The following DEPDC1B variants were observed in gnomAD, a reference collection of about 807,000 sequenced individuals.
DEPDC1B encodes DEP domain containing 1B, also known as DEP domain-containing protein 1B.
In DEPDC1B, 51 loss-of-function variants were observed where a neutral mutation model predicts 66.5. The ratio of observed to expected loss-of-function variants is 0.77; its 90% CI spans 0.61 to 0.97. The LOEUF is 0.97. DEPDC1B is among the 50% of genes least tolerant of loss of function. The pLI is 0.00. For missense variants in DEPDC1B, 552 were observed against 637.1 expected, an observed-to-expected ratio of 0.87 and a Z score of 1.44; for synonymous variants, 226 against 223.6, an observed-to-expected ratio of 1.01 and a Z score of -0.10.
intron 2 of DEPDC1B, among the ~76,000 whole-genome samples, chr5:60,677,322 ACACACTCTCTCTCTCT>A (rs1456482435): frequency 2.2e-4 from 22 of 99,612 alleles, no homozygotes; most frequent in Non-Finnish European, 4.1e-4. Context: ...ACACACACAC[ACACACTCTCTCTCTCT>A]CTCTCTCTCT....
intron 10 of DEPDC1B, 64 bp downstream of exon 10, chr5:60,599,011 T>TAAAA: frequency 4.3e-6 from 5 of 1,156,904 alleles, no homozygotes; most frequent in East Asian, 2.9e-5. Flanking sequence ...CCTATTAAAA[T>TAAAA]AAAAAAAAAA....
intron 2 of DEPDC1B, among the ~76,000 whole-genome samples, chr5:60,670,485 C>G (rs1051412786): frequency 6.6e-6 from 1 of 152,116 alleles, no homozygotes; most frequent in Non-Finnish European, 1.5e-5. Context: ...AAAATCCCAG[C>G]AAGAATTTTT....
In DEPDC1B at chr5:60,686,975, G is replaced by C; in HGVS notation, c.301C>G (p.Arg101Gly). 1 of 1,614,134 alleles carries C rather than the reference G, an allele frequency of 6.2e-7. No homozygotes were observed. The highest frequency in any genetic ancestry group is 1.6e-4 in the Middle Eastern group (1 of 6,062). Reference protein sequence around the residue: ...KWGEEDFEDNRHLYRFPPSSP... With the variant: ...KWGEEDFEDNGHLYRFPPSSP... ...TGTTGCCATTACCTGTATAAGTGAC[G>C]ATTGTCTTCAAAATCTTCCTCACCC... The change falls in exon 2 of 11, where the codon CGT (arginine) becomes GGT (glycine). Residue 101 changes from arginine to glycine, a missense_variant. By Grantham distance (125) the Arg-to-Gly change is moderately radical. Coordinates refer to ENST00000265036, the MANE Select transcript of DEPDC1B (RefSeq NM_018369.3).
At chr5:60,613,967 G>T (rs1752479754) in intron 7 of DEPDC1B, among the ~76,000 whole-genome samples, 1 of 152,084 alleles carries the variant, frequency 6.6e-6, no homozygotes, top group South Asian at 2.1e-4. Flanking sequence ...GTGATACTTA[G>T]TCACAAATTG....
chr5:60,669,799 G>C (rs1488962473), intron 2 of DEPDC1B, among the ~76,000 whole-genome samples: 1 of 150,960 alleles, frequency 6.6e-6, no homozygotes, highest in African/African-American at 2.5e-5. Flanking sequence ...TTTTTAAGGA[G>C]AGAGGTGAGC....
intron 7 of DEPDC1B, among the ~76,000 whole-genome samples, chr5:60,606,549 G>C (rs1752313085): frequency 7.3e-6 from 1 of 137,064 alleles, no homozygotes; most frequent in Non-Finnish European, 1.5e-5. Context: ...GAGATGGGAG[G>C]ATCACTTGAG....
intron 2 of DEPDC1B, among the ~76,000 whole-genome samples, chr5:60,654,714 G>C (rs1350470677): frequency 6.7e-6 from 1 of 148,580 alleles, no homozygotes; most frequent in Non-Finnish European, 1.5e-5. Flanking sequence ...CAGTTCTCAG[G>C]GGGAATGCTT....
intron 2 of DEPDC1B, among the ~76,000 whole-genome samples, chr5:60,648,550 C>G (rs941939737): frequency 5.9e-5 from 9 of 152,160 alleles, no homozygotes; most frequent in Non-Finnish European, 1.3e-4. Context: ...GTATGAACTT[C>G]TGAAGGTTGA....
At chr5:60,682,476 T>A (rs1428533791) in intron 2 of DEPDC1B, among the ~76,000 whole-genome samples, 1 of 152,032 alleles carries the variant, frequency 6.6e-6, no homozygotes, top group Non-Finnish European at 1.5e-5. Flanking sequence ...GTAACAAACC[T>A]GCACGTTGTG....
intron 2 of DEPDC1B, among the ~76,000 whole-genome samples, chr5:60,661,931 C>T (rs2111946271): frequency 6.6e-6 from 1 of 152,282 alleles, no homozygotes; most frequent in Non-Finnish European, 1.5e-5. Flanking sequence ...ATAAATTATT[C>T]AATGATGTCC....
intron 7 of DEPDC1B, chr5:60,630,386 G>T (rs1305936130): frequency 6.6e-6 from 1 of 152,276 alleles, no homozygotes; most frequent in Non-Finnish European, 1.5e-5. Flanking sequence ...GCCAGTGACG[G>T]CCTTGGACGG....
intron 9 of DEPDC1B, among the ~76,000 whole-genome samples, chr5:60,599,496 C>T (rs1188563221): frequency 1.3e-5 from 2 of 152,156 alleles, no homozygotes; most frequent in Admixed American, 6.5e-5. Context: ...ACCCAAGAGC[C>T]ATTTCAATAA....
intron 1 of DEPDC1B, among the ~76,000 whole-genome samples, chr5:60,687,437 G>A (rs1388573527): frequency 3.3e-5 from 5 of 151,844 alleles, no homozygotes; most frequent in Non-Finnish European, 5.9e-5. Flanking sequence ...ACAACACTGT[G>A]AATGTTCTTA....
At chr5:60,603,662 T>A in intron 8 of DEPDC1B, 95 bp from the exon 9 acceptor site, 1 of 1,312,156 alleles carries the variant, frequency 7.6e-7, no homozygotes, top group Non-Finnish European at 1.0e-6. Context: ...AGAAATGGTC[T>A]AAGGCACAGG....
chr5:60,660,404 C>A (rs1356285992), intron 2 of DEPDC1B, among the ~76,000 whole-genome samples: 2 of 151,844 alleles, frequency 1.3e-5, no homozygotes, highest in African/African-American at 4.8e-5. Context: ...AAATTTAAAA[C>A]CTATAATTAA....
chr5:60,629,174 T>C (rs970583263), intron 7 of DEPDC1B, among the ~76,000 whole-genome samples: 1 of 152,208 alleles, frequency 6.6e-6, no homozygotes, highest in African/African-American at 2.4e-5. Flanking sequence ...ATGACATGAT[T>C]CCGTGAATTT....
At chr5:60,615,518 G>A (rs1584030453) in intron 7 of DEPDC1B, among the ~76,000 whole-genome samples, 1 of 152,218 alleles carries the variant, frequency 6.6e-6, no homozygotes, top group Non-Finnish European at 1.5e-5. Flanking sequence ...CTGGCTCGGA[G>A]GGTCCTACGC....
intron 7 of DEPDC1B, among the ~76,000 whole-genome samples, chr5:60,621,567 G>C (rs1198481970): frequency 6.6e-6 from 1 of 151,050 alleles, no homozygotes; most frequent in East Asian, 2.0e-4. Flanking sequence ...ATAGCATTAG[G>C]AGACACACCT....
intron 2 of DEPDC1B, among the ~76,000 whole-genome samples, chr5:60,668,237 ATATATATATAAAATGGATAT>A (rs1342809145): frequency 7.4e-5 from 8 of 107,640 alleles, no homozygotes; most frequent in African/African-American, 3.0e-4. Flanking sequence ...GATATTTTAT[ATATATATATAAAATGGATAT>A]TATATATATA....
Sources: gnomAD v4.1 joint callset for allele counts (sites outside exome capture counted in the v4.1 genomes callset) on GRCh38, gnomAD v4.1.1 for gene constraint, MANE v1.5 for transcripts, NCBI Gene and HGNC (gene_info 2026-07-23, HGNC 2026-07-21) for gene names.